Variants in KCNT2 observed in about 807,000 individuals in gnomAD.
KCNT2 encodes the protein potassium sodium-activated channel subfamily T member 2.
In KCNT2, 67 loss-of-function variants were observed where a neutral mutation model predicts 153.8. The ratio of observed to expected loss-of-function variants is 0.44; its 90% CI spans 0.36 to 0.53. The LOEUF (loss-of-function observed/expected upper bound fraction) is 0.53. Among genes scored for constraint, KCNT2 ranks in the 20% least tolerant of loss-of-function variants. The pLI, the probability that KCNT2 is intolerant of heterozygous loss-of-function variation, is 0.00. For missense variants in KCNT2, 975 were observed against 1,354.8 expected (o/e 0.72, Z 4.40); for synonymous variants, 500 against 458.8 (o/e 1.09, Z -1.15).
chr1:196,402,299 C>T (rs1047340281), intron 12 of KCNT2, among the ~76,000 whole-genome samples: 5 of 151,440 alleles, frequency 3.3e-5, no homozygotes, highest in Admixed American at 2.6e-4. Context: ...CTCTTAACTT[C>T]TATAAAATAT....
chr1:196,271,388 T>C (rs1658051907), intron 25 of KCNT2, among the ~76,000 whole-genome samples: 2 of 152,016 alleles, frequency 1.3e-5, no homozygotes, highest in Admixed American at 6.6e-5. Flanking sequence ...AGTTACTTTC[T>C]GTGGCAGTGC....
chr1:196,491,924 G>A (rs146146573), intron 2 of KCNT2, among the ~76,000 whole-genome samples: 46 of 151,982 alleles, frequency 3.0e-4, no homozygotes, highest in African/African-American at 1.0e-3. Flanking sequence ...TTGAAAATAC[G>A]ATATTTAGAG....
rs535351759 is a variant in KCNT2 at position 196,340,816 on chromosome 1, G to GTA, written c.1554-248_1554-247dup. Among the ~76,000 whole-genome samples, 410 of 151,924 alleles carry GTA rather than the reference G, an allele frequency of 2.7e-3. 2 individuals carry two copies. The highest frequency in any genetic ancestry group is 9.1e-3 in the African/African-American group (379 of 41,522). ...AAGAACATAAGAAACATGAGTGCAT[G>GTA]TATACACTAAGGGTAACATTATTTT... On this transcript the variant is annotated intron_variant, in intron 15 of 27. Transcript: ENST00000294725.
chr1:196,249,599 C>G (rs1398763986), intron 26 of KCNT2, among the ~76,000 whole-genome samples: 2 of 152,002 alleles, frequency 1.3e-5, no homozygotes, highest in East Asian at 1.9e-4. Flanking sequence ...ATAGTGAAAC[C>G]CTGTCTCTAC....
At chr1:196,550,026 C>A (rs1326256965) in intron 1 of KCNT2, among the ~76,000 whole-genome samples, 1 of 151,862 alleles carries the variant, frequency 6.6e-6, no homozygotes, top group African/African-American at 2.4e-5. Context: ...CTATTCCTTT[C>A]TCTGGCCCCA....
chr1:196,567,180 A>C (rs1160687746), intron 1 of KCNT2, among the ~76,000 whole-genome samples: 1 of 152,034 alleles, frequency 6.6e-6, no homozygotes, highest in Non-Finnish European at 1.5e-5. Context: ...TTTCAGCCAT[A>C]TCTCTCACTC....
Position 196,429,763 on chromosome 1 carries a change from G to T in KCNT2, c.639-6C>A, listed in dbSNP as rs190762125. The T allele has an allele frequency of 6.5e-4, 1,025 of 1,577,838 alleles. 4 individuals are homozygous for T. In the African/African-American group the frequency reaches 0.012, roughly 19 times the overall value. On this transcript the variant is annotated splice_polypyrimidine_tract_variant and splice_region_variant and intron_variant, in intron 8 of 27. Transcript: ENST00000294725. ...GATGTTGGATCCCACAAATGCTAAA[G>T]AAACAAATATGCATTACAATTAAAT...
chr1:196,596,542 T>C (rs1437312887), intron 1 of KCNT2, among the ~76,000 whole-genome samples: 2 of 152,184 alleles, frequency 1.3e-5, no homozygotes, highest in Non-Finnish European at 2.9e-5. Context: ...GAGACTTGTC[T>C]ATTCATGTCC....
In KCNT2 at chr1:196,571,330, C is replaced by A. The variant is rs1371940086; in HGVS notation, c.95+36885G>T. Among the ~76,000 whole-genome samples, 4 of 152,180 alleles carry A rather than the reference C, an allele frequency of 2.6e-5. No homozygotes were observed. In the South Asian group the frequency reaches 6.2e-4, roughly 24 times the overall value. ...GAACTGAAAAATTCCCCAAACTTTT[C>A]TGTGCCCAAGATATTCTAAAGGAGA... On this transcript the variant is annotated intron_variant, in intron 1 of 27. Transcript: ENST00000294725.
chr1:196,402,530 C>T (rs756545895), intron 12 of KCNT2, among the ~76,000 whole-genome samples: 3 of 151,346 alleles, frequency 2.0e-5, no homozygotes, highest in Non-Finnish European at 4.4e-5. Flanking sequence ...ATTCAAAAGG[C>T]ACATCTAAAA....
At chr1:196,280,797 C>A in intron 25 of KCNT2, 63 bp downstream of exon 25, 1 of 1,401,808 alleles carries the variant, frequency 7.1e-7, no homozygotes, top group Non-Finnish European at 1.0e-6. Flanking sequence ...AGTTTATAAG[C>A]TTATGAATGA....
intron 7 of KCNT2, among the ~76,000 whole-genome samples, chr1:196,466,537 A>G (rs1298835231): frequency 6.6e-6 from 1 of 152,058 alleles, no homozygotes; most frequent in Non-Finnish European, 1.5e-5. Flanking sequence ...CCTCCAAACA[A>G]GTATAATTTT....
chr1:196,352,946 C>T (rs936967907), intron 14 of KCNT2, among the ~76,000 whole-genome samples: 4 of 152,056 alleles, frequency 2.6e-5, no homozygotes, highest in African/African-American at 9.7e-5. Flanking sequence ...TTTCTGCCTT[C>T]ATTTCTTTAT....
intron 15 of KCNT2, among the ~76,000 whole-genome samples, chr1:196,341,156 G>C (rs1413011002): frequency 6.6e-6 from 1 of 151,850 alleles, no homozygotes. Flanking sequence ...TGAAAATATT[G>C]TTAAATAAAA....
chr1:196,310,004 T>A (rs966435912), intron 21 of KCNT2, among the ~76,000 whole-genome samples: 2 of 151,886 alleles, frequency 1.3e-5, no homozygotes, highest in Non-Finnish European at 1.5e-5. Flanking sequence ...CCTGCATTAA[T>A]TTATTCAATA....
At chr1:196,457,479 T>C (rs954308152) in intron 8 of KCNT2, among the ~76,000 whole-genome samples, 1 of 149,282 alleles carries the variant, frequency 6.7e-6, no homozygotes, top group African/African-American at 2.5e-5. Flanking sequence ...AGTTTTGTTA[T>C]GCTTACCATT....
chr1:196,254,081 T>C (rs1656243390), intron 26 of KCNT2, among the ~76,000 whole-genome samples: 1 of 151,464 alleles, frequency 6.6e-6, no homozygotes, highest in South Asian at 2.1e-4. Flanking sequence ...ATAGGAACAA[T>C]TTATTGCTCA....
At chr1:196,525,183 T>A (rs1654006382) in intron 1 of KCNT2, among the ~76,000 whole-genome samples, 1 of 151,906 alleles carries the variant, frequency 6.6e-6, no homozygotes, top group African/African-American at 2.4e-5. Flanking sequence ...ACGACCACAA[T>A]GGTAGTATTT....
At chr1:196,386,201 A>C (rs895165510) in intron 13 of KCNT2, among the ~76,000 whole-genome samples, 1 of 152,172 alleles carries the variant, frequency 6.6e-6, no homozygotes, top group Non-Finnish European at 1.5e-5. Flanking sequence ...TCAAGCCTTC[A>C]AATACCTGTA....
Sources: allele counts gnomAD v4.1 joint callset (sites outside exome capture counted in the v4.1 genomes callset), GRCh38; gene constraint gnomAD v4.1.1; transcripts MANE v1.5; gene names NCBI Gene and HGNC (gene_info 2026-07-23, HGNC 2026-07-21).